COPG2: variants seen among roughly 807,000 people sequenced by gnomAD.
COPG2 encodes the protein coat protein complex I subunit gamma 2.
Under a neutral mutation model 46.3 loss-of-function variants are expected in COPG2, and 37 were observed. The observed-to-expected ratio is 0.80, with a 90% CI of 0.61 to 1.05. COPG2 has a LOEUF of 1.05. Ranked by LOEUF, COPG2 falls within the 50% of genes least tolerant of loss-of-function variation. The pLI, the probability that COPG2 is intolerant of heterozygous loss-of-function variation, is 0.00. For synonymous variants in COPG2, 159 were observed against 129.7 expected (o/e 1.23, Z -1.53); for missense variants, 427 against 387.8 (o/e 1.10, Z -0.85).
intron 5 of COPG2, among the ~76,000 whole-genome samples, chr7:130,628,767 G>A: frequency 6.6e-6 from 1 of 152,116 alleles, no homozygotes; most frequent in East Asian, 1.9e-4. Context: ...TCTTTAGGCT[G>A]GGCACAGTGG....
chr7:130,646,540 T>C (rs1208807324), intron 5 of COPG2, among the ~76,000 whole-genome samples: 1 of 152,208 alleles, frequency 6.6e-6, no homozygotes, highest in African/African-American at 2.4e-5. Context: ...TTCGGACATG[T>C]TATTAACAAG....
At chr7:130,559,365 T>TCACA (rs1793681263) in intron 12 of COPG2, among the ~76,000 whole-genome samples, 1 of 152,110 alleles carries the variant, frequency 6.6e-6, no homozygotes, top group Admixed American at 6.5e-5. Flanking sequence ...GAGAACCCAC[T>TCACA]CACACACTGA....
chr7:130,568,530 C>G (rs1793842424), intron 9 of COPG2, among the ~76,000 whole-genome samples: 1 of 152,074 alleles, frequency 6.6e-6, no homozygotes, highest in Non-Finnish European at 1.5e-5. Flanking sequence ...AATATATATG[C>G]ACCTAACACT....
chr7:130,631,416 C>T (rs1795229611), intron 5 of COPG2, among the ~76,000 whole-genome samples: 1 of 152,064 alleles, frequency 6.6e-6, no homozygotes, highest in Admixed American at 6.6e-5. Context: ...CCTCGGTCTC[C>T]CAGTGTGCTG....
At chr7:130,541,468 T>C (rs1799936738) in intron 20 of COPG2, among the ~76,000 whole-genome samples, 1 of 151,654 alleles carries the variant, frequency 6.6e-6, no homozygotes, top group Admixed American at 6.6e-5. Context: ...GCAGAGGAGC[T>C]GAGTCTCAGG....
At chr7:130,523,703 A>G (rs1428044335) in intron 20 of COPG2, among the ~76,000 whole-genome samples, 1 of 152,188 alleles carries the variant, frequency 6.6e-6, no homozygotes, top group Non-Finnish European at 1.5e-5. Context: ...AGTGAGGCCC[A>G]GAGAAGGGCC....
chr7:130,506,533 T>G lies in COPG2; in HGVS notation c.*143A>C. The stretch of plus-strand genomic sequence containing the variant: ...TGCGCAAAGATAGACATTTGCTTGA[T>G]CTGCTGGCTCAGGGCCAAATGTTTA... On this transcript the variant is annotated 3_prime_UTR_variant, in exon 24 of 24. Transcript: ENST00000425248. 2.1e-6 allele frequency: 1 copy of G among 480,248 alleles called. No homozygotes were observed. Among genetic ancestry groups the G allele is most frequent in the East Asian group, 3.4e-5 (1 of 29,594 alleles). The allele number at this position is 480,248 out of a possible 1,614,324, so 29.7% of individuals were successfully genotyped here.
intron 15 of COPG2, 68 bp from the exon 16 acceptor site, chr7:130,551,412 T>C (rs1793533047): frequency 1.0e-5 from 4 of 397,026 alleles, no homozygotes; most frequent in Non-Finnish European, 1.8e-5. Flanking sequence ...TACTACCAAA[T>C]CTAAAGGACA....
chr7:130,623,856 CA>C (rs782609611), intron 5 of COPG2, among the ~76,000 whole-genome samples: 2 of 150,448 alleles, frequency 1.3e-5, no homozygotes, highest in Non-Finnish European at 3.0e-5. Flanking sequence ...TTTTTTTTTT[CA>C]AAAAACAAGG....
chr7:130,593,679 ATT>A (rs1475696689), intron 9 of COPG2, among the ~76,000 whole-genome samples: 1 of 152,202 alleles, frequency 6.6e-6, no homozygotes, highest in Non-Finnish European at 1.5e-5. Context: ...ATAGACACAT[ATT>A]TCAACTAATG....
chr7:130,663,335 A>G (rs1445384323), intron 3 of COPG2, among the ~76,000 whole-genome samples: 2 of 152,206 alleles, frequency 1.3e-5, no homozygotes, highest in African/African-American at 2.4e-5. Flanking sequence ...GAAGTATTGT[A>G]GTTTACAAGG....
intron 12 of COPG2, among the ~76,000 whole-genome samples, chr7:130,559,628 T>C (rs1417655412): frequency 1.3e-5 from 2 of 152,172 alleles, no homozygotes. Context: ...CCCTGTGTAC[T>C]GCTCAAGAGG....
chr7:130,651,819 T>A, intron 5 of COPG2, among the ~76,000 whole-genome samples: 1 of 149,972 alleles, frequency 6.7e-6, no homozygotes, highest in African/African-American at 2.5e-5. Flanking sequence ...CCCGGCCAAT[T>A]TTTTTGTATT....
At chr7:130,585,545 G>A (rs1484681168) in intron 9 of COPG2, among the ~76,000 whole-genome samples, 1 of 151,924 alleles carries the variant, frequency 6.6e-6, no homozygotes, top group Non-Finnish European at 1.5e-5. Flanking sequence ...CCGCAGAGTG[G>A]GAGAAAATCT....
chr7:130,667,440 CAGAAT>C, intron 2 of COPG2, 37 bp downstream of exon 2: 2 of 1,554,602 alleles, frequency 1.3e-6, no homozygotes, highest in African/African-American at 1.4e-5. Flanking sequence ...CACTCTAAAA[CAGAAT>C]AGAAAAGAAA....
At chr7:130,539,364 G>A (rs1333602456) in intron 20 of COPG2, among the ~76,000 whole-genome samples, 1 of 152,182 alleles carries the variant, frequency 6.6e-6, no homozygotes, top group Non-Finnish European at 1.5e-5. Flanking sequence ...AAACAAGGCT[G>A]GAGTGGAAGA....
rs576632742 is a variant in COPG2, at chr7:130,649,037, T to C, written c.323+3832A>G. Among the ~76,000 whole-genome samples the C allele has an allele frequency of 4.7e-4, 72 of 152,294 alleles. No individual in the cohort carries two copies. In the South Asian group the frequency reaches 0.014, roughly 30 times the overall value. The stretch of plus-strand genomic sequence containing the variant: ...TCTCAAAAACCTTGTGGGTCTACTG[T>C]ATAAGTACAGAGACTCACTCCATTA... On this transcript the variant is annotated intron_variant, in intron 5 of 23. Transcript: ENST00000425248.
chr7:130,525,877 T>G (rs1222430653), intron 20 of COPG2, among the ~76,000 whole-genome samples: 1 of 151,868 alleles, frequency 6.6e-6, no homozygotes, highest in African/African-American at 2.4e-5. Context: ...GGACAGAGAG[T>G]GGGACCTATG....
intron 9 of COPG2, among the ~76,000 whole-genome samples, chr7:130,592,866 T>A (rs1279133723): frequency 1.3e-5 from 2 of 152,236 alleles, no homozygotes; most frequent in African/African-American, 4.8e-5. Context: ...TGCTCTTGTA[T>A]CCCACCTGAT....
Sources: gnomAD v4.1 joint callset for allele counts (sites outside exome capture counted in the v4.1 genomes callset) on GRCh38, gnomAD v4.1.1 for gene constraint, MANE v1.5 for transcripts, NCBI Gene and HGNC (gene_info 2026-07-23, HGNC 2026-07-21) for gene names.